SPRED2: variants seen among roughly 807,000 people sequenced by gnomAD.
SPRED2 encodes sprouty related EVH1 domain containing 2.
In SPRED2, 47 loss-of-function variants were observed where a neutral mutation model predicts 43.0. That is an observed-to-expected ratio of 1.09 (90% CI 0.87 to 1.40). The LOEUF (loss-of-function observed/expected upper bound fraction) is 1.40, where lower values mean the gene tolerates loss of function less well. Ranked by LOEUF, SPRED2 falls within the 40% of genes most tolerant of loss-of-function variation. The pLI is 0.00. For missense variants in SPRED2, 561 were observed against 586.4 expected (o/e 0.96, Z 0.45); for synonymous variants, 225 against 225.7 (o/e 1.00, Z 0.03).
At chr2:65,382,897 T>G (rs1378795665) in intron 1 of SPRED2, among the ~76,000 whole-genome samples, 1 of 152,164 alleles carries the variant, frequency 6.6e-6, no homozygotes, top group African/African-American at 2.4e-5. Context: ...TAATTCTCAG[T>G]GGAGTCACCT....
chr2:65,398,095 G>C (rs1675799516), intron 1 of SPRED2, among the ~76,000 whole-genome samples: 1 of 152,134 alleles, frequency 6.6e-6, no homozygotes, highest in Non-Finnish European at 1.5e-5. Context: ...AATACTTGCA[G>C]ACAACTGATC....
rs68086040 is a variant in SPRED2 at position 65,322,270 on chromosome 2, CTATATA to C, written c.439-5393_439-5388del. Among the ~76,000 whole-genome samples the C allele has an allele frequency of 4.9e-3, 179 of 36,452 alleles. 3 individuals carry two copies. The highest frequency in any genetic ancestry group is 0.022 in the Middle Eastern group (1 of 46). The allele number at this position is 36,452 out of a possible 152,430, so 23.9% of individuals were successfully genotyped here. A position where few individuals can be genotyped will look rare whatever the true frequency, so the allele number is the denominator to read the frequency against. On this transcript the variant is annotated intron_variant, in intron 4 of 5. Coordinates refer to ENST00000356388, the MANE Select transcript of SPRED2 (RefSeq NM_181784.3). ...TCTCTCTCTCTCTCTCTCTCTCTCT[CTATATA>C]TATATATATATATATATATTTTTTT... is the stretch of plus-strand genomic sequence containing the variant.
intron 1 of SPRED2, among the ~76,000 whole-genome samples, chr2:65,421,326 G>C (rs749965774): frequency 2.6e-4 from 40 of 152,188 alleles, no homozygotes; most frequent in Non-Finnish European, 5.3e-4. Flanking sequence ...AAATGCCAAA[G>C]ATGTGAAGTC....
At chr2:65,345,269 T>TTTG (rs1674319606) in intron 1 of SPRED2, among the ~76,000 whole-genome samples, 2 of 147,130 alleles carry the variant, frequency 1.4e-5, no homozygotes, top group South Asian at 2.2e-4. Context: ...GTTTTTTTTT[T>TTTG]TTTTTTTTTT....
chr2:65,408,413 G>GT (rs1433233527), intron 1 of SPRED2, among the ~76,000 whole-genome samples: 1 of 152,174 alleles, frequency 6.6e-6, no homozygotes, highest in East Asian at 1.9e-4. Context: ...GGCAGAAGCT[G>GT]TTTTTATGAT....
intron 1 of SPRED2, chr2:65,366,456 A>C (rs2104330547): frequency 1.2e-6 from 1 of 859,148 alleles, no homozygotes; most frequent in Middle Eastern, 2.7e-4. Context: ...ACAAATACAA[A>C]CACATACACA....
downstream of SPRED2, among the ~76,000 whole-genome samples, chr2:65,310,527 A>G (rs1309199762): frequency 6.6e-6 from 1 of 150,938 alleles, no homozygotes; most frequent in African/African-American, 2.4e-5. Flanking sequence ...TTCAGCAGGG[A>G]TCAGTGGAAA....
At chr2:65,419,577 TTGTGTGTGTG>T (rs10541896) in intron 1 of SPRED2, among the ~76,000 whole-genome samples, 2,410 of 148,980 alleles carry the variant, frequency 0.016, 25 homozygotes, top group African/African-American at 0.023. Flanking sequence ...GGGATTATAG[TTGTGTGTGTG>T]TGTGTGTGTG....
chr2:65,309,139 A>G (rs1256752681), downstream of SPRED2, among the ~76,000 whole-genome samples: 2 of 144,224 alleles, frequency 1.4e-5, no homozygotes, highest in Non-Finnish European at 3.0e-5. Flanking sequence ...CTGGGCAACA[A>G]GAGCGAAACT....
intron 1 of SPRED2, among the ~76,000 whole-genome samples, chr2:65,366,314 C>CAACAACAACAA (rs1281564267): frequency 6.6e-6 from 1 of 152,008 alleles, no homozygotes; most frequent in Non-Finnish European, 1.5e-5. Context: ...AAAACAACAA[C>CAACAACAACAA]AACAACAACA....
chr2:65,334,502 T>C (rs1476309103), intron 3 of SPRED2, 103 bp downstream of exon 3: 9 of 1,438,302 alleles, frequency 6.3e-6, no homozygotes, highest in Admixed American at 1.9e-5. Context: ...TCCCAAACCC[T>C]CCCGCAAATA....
intron 1 of SPRED2, among the ~76,000 whole-genome samples, chr2:65,349,308 CAAAAAAAAAA>C (rs59019958): frequency 6.0e-5 from 5 of 83,704 alleles, no homozygotes; most frequent in Admixed American, 1.6e-4. Context: ...GACTCTGTCT[CAAAAAAAAAA>C]AAAAAAAAAA....
chr2:65,314,748 A>G (rs1673188329), intron 5 of SPRED2, among the ~76,000 whole-genome samples: 2 of 152,380 alleles, frequency 1.3e-5, no homozygotes, highest in South Asian at 4.1e-4. Context: ...ACGAAACTTC[A>G]TTATCCATAT....
chr2:65,430,632 C>T (rs2103825680), intron 1 of SPRED2, among the ~76,000 whole-genome samples: 1 of 152,286 alleles, frequency 6.6e-6, no homozygotes, highest in Non-Finnish European at 1.5e-5. Context: ...GACCTGGGGC[C>T]TCCGGAGCAC....
intron 2 of SPRED2, among the ~76,000 whole-genome samples, chr2:65,343,827 T>C (rs1158935907): frequency 6.6e-6 from 1 of 152,182 alleles, no homozygotes; most frequent in Non-Finnish European, 1.5e-5. Flanking sequence ...TTCCAAAGTA[T>C]TTATCTATAA....
Position 65,313,281 on chromosome 2 carries a change from T to C in SPRED2, c.*220A>G. The C allele has an allele frequency of 1.4e-6, 2 of 1,393,034 alleles. No individual in the cohort carries two copies. The highest frequency in any genetic ancestry group is 1.9e-6 in the Non-Finnish European group (2 of 1,077,838). 86.3% of individuals were successfully genotyped at this position (1,393,034 alleles called of 1,614,324 possible). The stretch of plus-strand genomic sequence containing the variant: ...TTCCTCAGAACACTGTGCGAGCGTG[T>C]GTGTATGGATGTGGCTGCTGCAGTG... On this transcript the variant is annotated 3_prime_UTR_variant, in exon 6 of 6. Transcript: ENST00000356388.
At chr2:65,360,983 T>C (rs551935904) in intron 1 of SPRED2, among the ~76,000 whole-genome samples, 67 of 152,326 alleles carry the variant, frequency 4.4e-4, no homozygotes, top group Admixed American at 7.8e-4. Flanking sequence ...AGCAGGAGGA[T>C]TGCTTAAGCC....
chr2:65,420,235 G>GAAAAAAAAAAAAAAAAAA (rs1558692335), intron 1 of SPRED2, among the ~76,000 whole-genome samples: 1 of 141,990 alleles, frequency 7.0e-6, no homozygotes. Context: ...AAAAAAAAAG[G>GAAAAAAAAAAAAAAAAAA]AAAAATATGA....
intron 4 of SPRED2, among the ~76,000 whole-genome samples, chr2:65,319,650 C>T (rs1483406929): frequency 6.6e-6 from 1 of 152,228 alleles, no homozygotes; most frequent in Non-Finnish European, 1.5e-5. Flanking sequence ...ACCCCTTACT[C>T]CTCCCCAGGT....
Sources: gnomAD v4.1 joint callset for allele counts (sites outside exome capture counted in the v4.1 genomes callset) on GRCh38, gnomAD v4.1.1 for gene constraint, MANE v1.5 for transcripts, NCBI Gene and HGNC (gene_info 2026-07-23, HGNC 2026-07-21) for gene names.